Variants in SCEL observed in about 807,000 individuals in gnomAD.
SCEL encodes sciellin.
Under a neutral mutation model 117.6 loss-of-function variants are expected in SCEL, and 113 were observed. The ratio of observed to expected loss-of-function variants is 0.96; its 90% CI spans 0.83 to 1.12. The LOEUF (loss-of-function observed/expected upper bound fraction) is 1.12. Ranked by LOEUF, SCEL falls within the 50% of genes most tolerant of loss-of-function variation. The pLI, the probability that SCEL is intolerant of heterozygous loss-of-function variation, is 0.00. For missense variants in SCEL, 785 were observed against 810.8 expected, an observed-to-expected ratio of 0.97 and a Z score of 0.39; for synonymous variants, 270 against 256.2, an observed-to-expected ratio of 1.05 and a Z score of -0.51.
intron 16 of SCEL, 106 bp downstream of exon 16, chr13:77,602,230 T>C: frequency 1.1e-6 from 1 of 896,944 alleles, no homozygotes; most frequent in Admixed American, 2.6e-5. Flanking sequence ...TGAACTCTTG[T>C]ACTGCTTTGA....
intron 2 of SCEL, 33 bp downstream of exon 2, chr13:77,555,951 A>G (rs1328544243): frequency 1.9e-6 from 3 of 1,598,158 alleles, no homozygotes; most frequent in Non-Finnish European, 2.6e-6. Flanking sequence ...CACTCAGAAA[A>G]CTTTAAAATT....
At chr13:77,593,163 C>A (rs2086974133) in intron 11 of SCEL, among the ~76,000 whole-genome samples, 1 of 151,868 alleles carries the variant, frequency 6.6e-6, no homozygotes. Flanking sequence ...TAACATAGAA[C>A]CTGGGAGCTG....
intron 31 of SCEL, 56 bp from the exon 32 acceptor site, chr13:77,642,650 T>C: frequency 1.9e-6 from 2 of 1,075,578 alleles, no homozygotes; most frequent in Non-Finnish European, 2.7e-6. Flanking sequence ...TCTGTTCCTC[T>C]AATAATCTAG....
intron 8 of SCEL, among the ~76,000 whole-genome samples, chr13:77,570,563 C>A (rs989733527): frequency 5.9e-5 from 9 of 152,184 alleles, no homozygotes; most frequent in African/African-American, 2.2e-4. Flanking sequence ...CGTTCCTTGT[C>A]TTAGTTGAGT....
At chr13:77,608,312 T>C (rs2088378164) in intron 20 of SCEL, among the ~76,000 whole-genome samples, 197 bp downstream of exon 20, 1 of 152,174 alleles carries the variant, frequency 6.6e-6, no homozygotes, top group South Asian at 2.1e-4. Flanking sequence ...ATCATAATGT[T>C]TGTTTGGCCG....
intron 9 of SCEL, among the ~76,000 whole-genome samples, chr13:77,583,357 A>ATTAGG (rs2086372447): frequency 6.6e-6 from 1 of 152,170 alleles, no homozygotes. Flanking sequence ...AAGCTCCATT[A>ATTAGG]CTAGGTTATG....
At chr13:77,610,839 A>G (rs180872684) in intron 22 of SCEL, among the ~76,000 whole-genome samples, 3 of 152,320 alleles carry the variant, frequency 2.0e-5, no homozygotes, top group African/African-American at 4.8e-5. Context: ...CATTTAAAAA[A>G]TTATTCTCAG....
chr13:77,630,396 T>G (rs1213845593), intron 28 of SCEL, among the ~76,000 whole-genome samples: 1 of 152,184 alleles, frequency 6.6e-6, no homozygotes, highest in East Asian at 1.9e-4. Context: ...AATTATAAGG[T>G]GGCCAGACAA....
chr13:77,594,622 A>C (rs912768417), intron 12 of SCEL, among the ~76,000 whole-genome samples: 9 of 152,180 alleles, frequency 5.9e-5, no homozygotes, highest in African/African-American at 2.2e-4. Flanking sequence ...TATTTGCATA[A>C]GTGTGTTACC....
Position 77,550,331 on chromosome 13 carries a change from C to T in SCEL, c.-19-5526C>T, listed in dbSNP as rs1052414364. 1.2e-4 allele frequency among the ~76,000 whole-genome samples: 18 copies of T among 150,648 alleles called. No individual in the cohort carries two copies. The East Asian group carries it at 1.9e-3, about 16-fold the overall frequency. On this transcript the variant is annotated intron_variant, in intron 1 of 32. Coordinates refer to ENST00000349847, the MANE Select transcript of SCEL (RefSeq NM_144777.3). ...AACCCAGGAGGCAGAGGTTGCAGTG[C>T]GGCAAGATCATGCAACAGCACTACA... is the stretch of plus-strand genomic sequence containing the variant.
intron 9 of SCEL, among the ~76,000 whole-genome samples, chr13:77,583,126 G>C (rs952948533): frequency 6.6e-6 from 1 of 152,102 alleles, no homozygotes; most frequent in Non-Finnish European, 1.5e-5. Flanking sequence ...GTACATGAAC[G>C]TCAAGGTACT....
chr13:77,563,796 GA>G (rs1193123382), intron 4 of SCEL, 34 bp from the exon 5 acceptor site: 2 of 1,334,614 alleles, frequency 1.5e-6, no homozygotes, highest in African/African-American at 1.5e-5. Flanking sequence ...TAATTGATTT[GA>G]TTTTTTTTTT....
intron 22 of SCEL, among the ~76,000 whole-genome samples, chr13:77,612,456 C>CTTTTTTT (rs71102764): frequency 1.6e-4 from 15 of 93,542 alleles, no homozygotes; most frequent in East Asian, 4.0e-4. Context: ...TTTTTCTTTT[C>CTTTTTTT]TTTTTTTTTT....
chr13:77,638,528 T>G (rs557076385), intron 30 of SCEL, among the ~76,000 whole-genome samples: 1 of 152,346 alleles, frequency 6.6e-6, no homozygotes, highest in South Asian at 2.1e-4. Flanking sequence ...AGTATTGCTG[T>G]TAATAGAAAG....
At chr13:77,566,790 A>G (rs960809789) in intron 5 of SCEL, among the ~76,000 whole-genome samples, 1 of 152,152 alleles carries the variant, frequency 6.6e-6, no homozygotes, top group East Asian at 1.9e-4. Flanking sequence ...TACCAAAGCC[A>G]TAGTAGAAGG....
chr13:77,624,744 A>T (rs1340229088), intron 27 of SCEL, among the ~76,000 whole-genome samples: 1 of 152,180 alleles, frequency 6.6e-6, no homozygotes, highest in Admixed American at 6.5e-5. Context: ...AACTGGCTTT[A>T]CTGGTCTTTT....
intron 27 of SCEL, 51 bp downstream of exon 27, chr13:77,618,111 C>G (rs1424199706): frequency 7.8e-6 from 11 of 1,403,318 alleles, no homozygotes; most frequent in South Asian, 1.2e-5. Flanking sequence ...AGGGTAGGAA[C>G]TTCTCCCTCC....
At position 77,602,612 on chromosome 13, in the gene SCEL, G is replaced by T. The variant is rs1282725612; in HGVS notation, c.978-42G>T. On this transcript the variant is annotated intron_variant, in intron 16 of 32. Coordinates refer to ENST00000349847, the MANE Select transcript of SCEL (RefSeq NM_144777.3). ...GATTATACAGATTTCAGAGAAAATT[G>T]TACTGTAACCTAACTGACAAGTTTT... 3.9e-6 allele frequency: 6 copies of T among 1,550,068 alleles called. No homozygotes were observed. In the African/African-American group the frequency reaches 5.4e-5, roughly 14 times the overall value.
intron 15 of SCEL, among the ~76,000 whole-genome samples, chr13:77,600,478 A>G (rs903455131): frequency 6.6e-6 from 1 of 152,134 alleles, no homozygotes; most frequent in Non-Finnish European, 1.5e-5. Flanking sequence ...TTGGAATCTT[A>G]GTTGGGTCAT....
Sources: allele counts gnomAD v4.1 joint callset (sites outside exome capture counted in the v4.1 genomes callset), GRCh38; gene constraint gnomAD v4.1.1; transcripts MANE v1.5; gene names NCBI Gene and HGNC (gene_info 2026-07-23, HGNC 2026-07-21).